Variants in SPRY3 observed in about 807,000 individuals in gnomAD.
SPRY3 encodes sprouty RTK signaling antagonist 3.
A neutral mutation model predicts 20.2 loss-of-function variants in SPRY3; 15 were observed. The observed-to-expected ratio is 0.74, with a 90% CI of 0.50 to 1.14. The LOEUF is 1.14. SPRY3 is among the 50% of genes most tolerant of loss of function. SPRY3 has a pLI of 0.00. For synonymous variants in SPRY3, 143 were observed against 136.5 expected, an observed-to-expected ratio of 1.05 and a Z score of -0.33; for missense variants, 364 against 363.9, an observed-to-expected ratio of 1.00 and a Z score of 0.00.
At chrX:155,730,084 G>A (rs1032285132) in intron 2 of SPRY3, among the ~76,000 whole-genome samples, 15 of 152,048 alleles carry the variant, frequency 9.9e-5, no homozygotes, top group African/African-American at 2.9e-4. Flanking sequence ...GGGACCCAAT[G>A]GCTTCACTGT....
chrX:155,636,989 A>G (rs1367042248), intron 1 of SPRY3, among the ~76,000 whole-genome samples: 1 of 91,937 alleles, frequency 1.1e-5, no homozygotes, highest in Non-Finnish European at 2.1e-5. Flanking sequence ...AACAATGAGA[A>G]CACATGGACA....
chrX:155,721,322 C>T (rs986760149), intron 2 of SPRY3, among the ~76,000 whole-genome samples: 1 of 151,834 alleles, frequency 6.6e-6, no homozygotes, highest in Non-Finnish European at 1.5e-5. Context: ...CTGAAAAAGG[C>T]AAATCTAAGA....
chrX:155,720,555 G>A (rs962636102), intron 2 of SPRY3, among the ~76,000 whole-genome samples: 3 of 152,266 alleles, frequency 2.0e-5, no homozygotes, highest in African/African-American at 7.2e-5. Context: ...GTGACCACAG[G>A]GGTGCTTGTG....
intron 2 of SPRY3, among the ~76,000 whole-genome samples, chrX:155,737,091 T>G (rs1481706947): frequency 6.6e-6 from 1 of 152,196 alleles, no homozygotes; most frequent in Non-Finnish European, 1.5e-5. Flanking sequence ...TATCTGTCTA[T>G]TTTTGAATGT....
chrX:155,640,859 G>A (rs2067938086), intron 1 of SPRY3, among the ~76,000 whole-genome samples: 1 of 111,239 alleles, frequency 9.0e-6, no homozygotes, highest in Admixed American at 9.6e-5. Context: ...GTTTAATATC[G>A]TATCATCTGC....
intron 2 of SPRY3, among the ~76,000 whole-genome samples, chrX:155,710,558 CT>C (rs1302633754): frequency 6.6e-6 from 1 of 151,318 alleles, no homozygotes; most frequent in Non-Finnish European, 1.5e-5. Flanking sequence ...CAATAGGTTT[CT>C]TATGGAGTCT....
intron 2 of SPRY3, among the ~76,000 whole-genome samples, chrX:155,710,203 T>C (rs1337250805): frequency 6.6e-6 from 1 of 151,798 alleles, no homozygotes; most frequent in Non-Finnish European, 1.5e-5. Context: ...GTGAAGAATA[T>C]CACTGGTATT....
chrX:155,762,425 C>A (rs1254469861), intron 2 of SPRY3, among the ~76,000 whole-genome samples: 1 of 151,502 alleles, frequency 6.6e-6, no homozygotes, highest in African/African-American at 2.4e-5. Flanking sequence ...GATGATGAGA[C>A]AATGAATTAT....
exon 4 of SPRY3, chrX:155,773,790 C>A (rs2124012657): frequency 6.7e-7 from 1 of 1,482,788 alleles, no homozygotes; most frequent in Non-Finnish European, 9.1e-7. Context: ...CCCTGAAATC[C>A]ATGTAACTAC....
At chrX:155,715,440 G>A (rs2091015684) in intron 2 of SPRY3, among the ~76,000 whole-genome samples, 1 of 152,126 alleles carries the variant, frequency 6.6e-6, no homozygotes, top group Non-Finnish European at 1.5e-5. Flanking sequence ...AGCTGAGCTA[G>A]TATCTAAGTT....
chrX:155,674,823 C>T (rs2068054514), intron 2 of SPRY3, among the ~76,000 whole-genome samples: 1 of 111,294 alleles, frequency 9.0e-6, no homozygotes, highest in South Asian at 3.8e-4. Context: ...CACTTCAGCT[C>T]TCTCCATCTA....
At chrX:155,726,322 A>T (rs2091096757) in intron 2 of SPRY3, among the ~76,000 whole-genome samples, 1 of 152,154 alleles carries the variant, frequency 6.6e-6, no homozygotes, top group African/African-American at 2.4e-5. Context: ...AGTTCTGTAG[A>T]TGTCTATTAC....
downstream of SPRY3, chrX:155,779,411 T>C (rs1284099151): frequency 1.2e-5 from 2 of 167,082 alleles, no homozygotes; most frequent in African/African-American, 4.8e-5. Flanking sequence ...ATTGTGGCTC[T>C]TAGAACTGTA....
chrX:155,678,000 A>G (rs921139028), intron 2 of SPRY3, among the ~76,000 whole-genome samples: 1 of 111,706 alleles, frequency 9.0e-6, no homozygotes, highest in African/African-American at 3.3e-5. Flanking sequence ...AACACACCAG[A>G]TGTGGTCTTA....
chrX:155,626,317 T>A lies in SPRY3; in HGVS notation c.-441+13670T>A, dbSNP rs2067888033. 5.4e-5 allele frequency among the ~76,000 whole-genome samples: 6 copies of A among 111,833 alleles called. No individual in the cohort carries two copies. The South Asian group carries it at 1.8e-3, about 34-fold the overall frequency. ...AGGGACTAATGATGTTGAGCTTCTT[T>A]TTATTTGCTTATTGTTCATTTGAAT... On this transcript the variant is annotated intron_variant, in intron 1 of 3. Coordinates refer to ENST00000675360, the Ensembl canonical transcript of SPRY3.
intron 2 of SPRY3, among the ~76,000 whole-genome samples, chrX:155,744,205 G>C (rs1370390688): frequency 6.6e-6 from 1 of 152,114 alleles, no homozygotes; most frequent in Non-Finnish European, 1.5e-5. Context: ...TGTGGGTTTT[G>C]TGTGGATTCC....
intron 2 of SPRY3, among the ~76,000 whole-genome samples, chrX:155,706,550 A>G (rs1194325271): frequency 6.6e-6 from 1 of 150,902 alleles, no homozygotes; most frequent in East Asian, 1.9e-4. Flanking sequence ...CAATGGAACA[A>G]AAGTTGCCTT....
intron 1 of SPRY3, among the ~76,000 whole-genome samples, chrX:155,614,282 T>C (rs1177007046): frequency 2.7e-5 from 3 of 111,565 alleles, no homozygotes; most frequent in Non-Finnish European, 5.7e-5. Context: ...CAAAAAAAGT[T>C]TTGGGCAGAA....
chrX:155,748,276 T>C (rs1322326901), intron 2 of SPRY3, among the ~76,000 whole-genome samples: 13 of 151,940 alleles, frequency 8.6e-5, no homozygotes, highest in African/African-American at 3.1e-4. Flanking sequence ...TTGCCATTTA[T>C]AAACCATGTT....
Sources: allele counts gnomAD v4.1 joint callset (sites outside exome capture counted in the v4.1 genomes callset), GRCh38; gene constraint gnomAD v4.1.1; transcripts MANE v1.5; gene names NCBI Gene and HGNC (gene_info 2026-07-23, HGNC 2026-07-21).